The following NELL1 variants were observed in gnomAD, a reference collection of about 807,000 sequenced individuals.
The protein encoded by NELL1 is neural EGFL like 1.
A neutral mutation model predicts 107.4 loss-of-function variants in NELL1; 76 were observed. The observed-to-expected ratio is 0.71, with a 90% CI of 0.59 to 0.86. The LOEUF is 0.86. Ranked by LOEUF, NELL1 falls within the 40% of genes least tolerant of loss-of-function variation. The pLI, the probability that NELL1 is intolerant of heterozygous loss-of-function variation, is 0.00. For synonymous variants in NELL1, 353 were observed against 341.2 expected, an observed-to-expected ratio of 1.03 and a Z score of -0.38; for missense variants, 1,024 against 1,005.5, an observed-to-expected ratio of 1.02 and a Z score of -0.25.
chr11:20,701,858 A>G (rs1423562730), intron 2 of NELL1, among the ~76,000 whole-genome samples: 1 of 152,116 alleles, frequency 6.6e-6, no homozygotes, highest in East Asian at 1.9e-4. Flanking sequence ...GTTCTGTTCC[A>G]TTGGTCTATA....
At chr11:20,952,611 T>C (rs150761066) in intron 11 of NELL1, among the ~76,000 whole-genome samples, 171 of 152,306 alleles carry the variant, frequency 1.1e-3, no homozygotes, top group African/African-American at 3.9e-3. Context: ...TGCATATTGA[T>C]AGATGAGATC....
chr11:21,196,243 A>G (rs147693487), intron 13 of NELL1, among the ~76,000 whole-genome samples: 116 of 152,274 alleles, frequency 7.6e-4, no homozygotes, highest in African/African-American at 2.6e-3. Flanking sequence ...TATGCCAGGC[A>G]CAGTGCTAAG....
intron 5 of NELL1, among the ~76,000 whole-genome samples, chr11:20,897,305 A>G: frequency 6.6e-6 from 1 of 152,232 alleles, no homozygotes; most frequent in East Asian, 1.9e-4. Context: ...AAAAATAAGA[A>G]ATGGGGAAAG....
intron 16 of NELL1, among the ~76,000 whole-genome samples, chr11:21,557,820 T>A (rs1856757527): frequency 6.6e-6 from 1 of 152,012 alleles, no homozygotes; most frequent in South Asian, 2.1e-4. Context: ...ATTATAATAG[T>A]CTCAGTCTGT....
chr11:21,441,067 C>A (rs771198180), intron 15 of NELL1, among the ~76,000 whole-genome samples: 61 of 152,048 alleles, frequency 4.0e-4, no homozygotes, highest in Non-Finnish European at 6.5e-4. Context: ...GTTTGAAACT[C>A]CTTTATTATT....
chr11:21,502,424 T>G (rs1247695486), intron 15 of NELL1, among the ~76,000 whole-genome samples: 1 of 152,186 alleles, frequency 6.6e-6, no homozygotes, highest in Non-Finnish European at 1.5e-5. Flanking sequence ...GTGTTTGCAT[T>G]TATTACACTC....
At chr11:20,839,264 C>T (rs1389746421) in intron 3 of NELL1, among the ~76,000 whole-genome samples, 1 of 152,124 alleles carries the variant, frequency 6.6e-6, no homozygotes, top group Non-Finnish European at 1.5e-5. Context: ...TTTTACATTT[C>T]ATTTAACAGT....
chr11:21,277,651 A>C (rs1590797466), intron 14 of NELL1, among the ~76,000 whole-genome samples: 1 of 152,358 alleles, frequency 6.6e-6, no homozygotes, highest in African/African-American at 2.4e-5. Context: ...AACCAAGCCA[A>C]ATACCCATCA....
At chr11:20,950,355 A>G (rs1431713847) in intron 11 of NELL1, among the ~76,000 whole-genome samples, 1 of 152,236 alleles carries the variant, frequency 6.6e-6, no homozygotes, top group East Asian at 1.9e-4. Context: ...AAAGAGCAAT[A>G]CAGATGAGTT....
chr11:20,789,501 C>T (rs1280305372), intron 3 of NELL1, among the ~76,000 whole-genome samples: 1 of 152,158 alleles, frequency 6.6e-6, no homozygotes, highest in African/African-American at 2.4e-5. Context: ...GCTCGGGGAG[C>T]CCAGGTCTGT....
At chr11:20,937,279 T>A (rs551423296) in intron 9 of NELL1, among the ~76,000 whole-genome samples, 30 of 152,310 alleles carry the variant, frequency 2.0e-4, no homozygotes, top group African/African-American at 6.5e-4. Context: ...TTTACAGGCT[T>A]TCCTTGTATT....
At chr11:20,695,850 T>G (rs1051557251) in intron 2 of NELL1, among the ~76,000 whole-genome samples, 7 of 152,166 alleles carry the variant, frequency 4.6e-5, no homozygotes, top group Non-Finnish European at 7.4e-5. Context: ...GTGGAATTGG[T>G]ACCAGCTTTT....
chr11:20,872,658 T>C (rs1048181447), intron 4 of NELL1, among the ~76,000 whole-genome samples: 1 of 146,666 alleles, frequency 6.8e-6, no homozygotes, highest in South Asian at 2.2e-4. Flanking sequence ...AATGTGGAGA[T>C]GCCAGTGTTT....
intron 13 of NELL1, among the ~76,000 whole-genome samples, chr11:21,130,342 G>C (rs549793754): frequency 6.6e-6 from 1 of 152,154 alleles, no homozygotes; most frequent in Non-Finnish European, 1.5e-5. Context: ...TAGAAGTCTG[G>C]CTATGGGATC....
intron 10 of NELL1, 74 bp downstream of exon 10, chr11:20,937,933 C>A: frequency 1.4e-6 from 2 of 1,444,986 alleles, no homozygotes; most frequent in Non-Finnish European, 1.9e-6. Flanking sequence ...AGATGAGGTT[C>A]TTGAGTGGGG....
At chr11:21,068,956 A>G (rs1157408464) in intron 12 of NELL1, among the ~76,000 whole-genome samples, 1 of 152,216 alleles carries the variant, frequency 6.6e-6, no homozygotes, top group Non-Finnish European at 1.5e-5. Flanking sequence ...ACATGGGTGT[A>G]TACATAAATG....
At chr11:20,890,875 T>C (rs1188009484) in intron 5 of NELL1, among the ~76,000 whole-genome samples, 4 of 152,004 alleles carry the variant, frequency 2.6e-5, no homozygotes, top group African/African-American at 7.2e-5. Flanking sequence ...AGACCGAACC[T>C]ACCATTGACT....
At chr11:21,441,950 C>A (rs1393988475) in intron 15 of NELL1, among the ~76,000 whole-genome samples, 10 of 152,204 alleles carry the variant, frequency 6.6e-5, no homozygotes, top group African/African-American at 2.2e-4. Flanking sequence ...CAGATAGATA[C>A]TTTTAAATGC....
In NELL1 at chr11:21,498,041, A is replaced by G. The variant is rs78905216; in HGVS notation, c.1646-36333A>G. On this transcript the variant is annotated intron_variant, in intron 15 of 19. Coordinates refer to ENST00000357134, the MANE Select transcript of NELL1 (RefSeq NM_006157.5). ...TCAATTTGTCTTATTTCACAGTTCA[A>G]TGAAATAATACAGCCAGGCAGAAAA... 0.021 allele frequency among the ~76,000 whole-genome samples: 3,239 copies of G among 151,942 alleles called. 201 individuals carry two copies. The East Asian group carries it at 0.26, about 12-fold the overall frequency.
Sources: allele counts gnomAD v4.1 joint callset (sites outside exome capture counted in the v4.1 genomes callset), GRCh38; gene constraint gnomAD v4.1.1; transcripts MANE v1.5; gene names NCBI Gene and HGNC (gene_info 2026-07-23, HGNC 2026-07-21).